Variants in THOC1 observed in about 807,000 individuals in gnomAD.
The protein encoded by THOC1 is THO complex subunit 1.
Under a neutral mutation model 97.3 loss-of-function variants are expected in THOC1, and 29 were observed. That is an observed-to-expected ratio of 0.30 (90% CI 0.22 to 0.41). The LOEUF (loss-of-function observed/expected upper bound fraction) is 0.41. Ranked by LOEUF, THOC1 falls within the 10% of genes least tolerant of loss-of-function variation. The probability of loss-of-function intolerance (pLI) is 1.00; values close to 1 mark genes in which losing one functional copy is unlikely to be tolerated. For missense variants in THOC1, 529 were observed against 761.9 expected, an observed-to-expected ratio of 0.69 and a Z score of 3.60; for synonymous variants, 255 against 257.0, an observed-to-expected ratio of 0.99 and a Z score of 0.07.
intron 5 of THOC1, 169 bp downstream of exon 5, chr18:260,017 C>G (rs887950149): frequency 1.9e-6 from 1 of 531,308 alleles, no homozygotes; most frequent in East Asian, 3.4e-5. Flanking sequence ...TTTCTCCACA[C>G]ATGGTTTTTA....
chr18:226,064 A>G (rs1311913407), intron 12 of THOC1: 2 of 152,260 alleles, frequency 1.3e-5, no homozygotes, highest in East Asian at 1.9e-4. Flanking sequence ...TCTTCCTACT[A>G]TGCTATACCA....
intron 11 of THOC1, among the ~76,000 whole-genome samples, chr18:239,223 G>A (rs1341806306): frequency 1.3e-5 from 2 of 152,124 alleles, no homozygotes; most frequent in Non-Finnish European, 2.9e-5. Flanking sequence ...GGATTACAGA[G>A]TATTGAAAAA....
intron 7 of THOC1, among the ~76,000 whole-genome samples, chr18:255,796 G>C (rs909663157): frequency 2.0e-5 from 3 of 152,138 alleles, no homozygotes; most frequent in Non-Finnish European, 4.4e-5. Flanking sequence ...TGACTCTCTT[G>C]TTAGGAGCTA....
Position 224,962 on chromosome 18 carries a change from C to T in THOC1, c.1170G>A (p.Ser390=), listed in dbSNP as rs563539953. The T allele has an allele frequency of 5.1e-6, 8 of 1,575,170 alleles. No individual in the cohort carries two copies. The highest frequency in any genetic ancestry group is 6.9e-6 in the Non-Finnish European group (8 of 1,158,178). ...AACTTGGGCAACCTTCATTTTTCCA[C>T]GAGTTCCAGTTTTCTTCAGTGTTTA... The part of the protein sequence containing the change: ...HILNTEENWN[S]WKNEGCPSFV... Residue 390 remains serine, a synonymous_variant, in exon 15 of 21, where the codon TCG becomes TCA. Transcript: ENST00000261600.
chr18:263,270 G>A (rs775832219), intron 4 of THOC1, among the ~76,000 whole-genome samples: 12 of 151,714 alleles, frequency 7.9e-5, no homozygotes, highest in Middle Eastern at 3.4e-3. Flanking sequence ...TAGTAGAGAC[G>A]GGGTTTCATC....
chr18:222,430 C>G (rs759617207), intron 17 of THOC1, among the ~76,000 whole-genome samples: 1 of 152,140 alleles, frequency 6.6e-6, no homozygotes, highest in Non-Finnish European at 1.5e-5. Flanking sequence ...AACTGTTTAA[C>G]TTGTTACAGA....
At chr18:257,302 G>T (rs2143288098) in intron 7 of THOC1, among the ~76,000 whole-genome samples, 1 of 152,218 alleles carries the variant, frequency 6.6e-6, no homozygotes, top group Non-Finnish European at 1.5e-5. Flanking sequence ...TTATAATTCT[G>T]TTGGAAGCAC....
intron 4 of THOC1, chr18:261,309 A>C (rs975014647): frequency 6.6e-6 from 1 of 152,214 alleles, no homozygotes; most frequent in Non-Finnish European, 1.5e-5. Flanking sequence ...TCACTTAGGC[A>C]TGGTATATGG....
intron 9 of THOC1, among the ~76,000 whole-genome samples, chr18:249,530 T>C (rs1339153793): frequency 7.9e-5 from 12 of 151,962 alleles, no homozygotes; most frequent in Admixed American, 7.2e-4. Flanking sequence ...GGCATTGTGG[T>C]GCGTGCTTGT....
chr18:239,458 C>A (rs1444264642), intron 11 of THOC1, among the ~76,000 whole-genome samples: 1 of 152,148 alleles, frequency 6.6e-6, no homozygotes, highest in Non-Finnish European at 1.5e-5. Context: ...GCACCTGCCA[C>A]CACGCCCGGC....
intron 11 of THOC1, among the ~76,000 whole-genome samples, chr18:239,664 A>G (rs1463725426): frequency 6.6e-6 from 1 of 152,208 alleles, no homozygotes; most frequent in Admixed American, 6.5e-5. Flanking sequence ...TTTGTTCTTC[A>G]TAACACTCAG....
rs76384077 is a variant in THOC1, at chr18:241,874, C to T, written c.918+4450G>A. Among the ~76,000 whole-genome samples, 299 of 152,204 alleles carry T rather than the reference C, an allele frequency of 2.0e-3. 4 individuals carry two copies. The East Asian group carries it at 0.036, about 18-fold the overall frequency. ...CTCCCTTAACATTTCTGAGTATGAT[C>T]CTGGACTAACCTTAAAGAACAGATA... On this transcript the variant is annotated intron_variant, in intron 11 of 20. Transcript: ENST00000261600.
chr18:218,242 A>T (rs620970), intron 18 of THOC1, among the ~76,000 whole-genome samples: 94,981 of 151,946 alleles, frequency 0.63, 29,878 homozygotes, highest in South Asian at 0.76. Context: ...GCGGTTTAAT[A>T]ATTAAATTAG....
chr18:256,416 A>G (rs1186733921), intron 7 of THOC1, among the ~76,000 whole-genome samples: 1 of 152,268 alleles, frequency 6.6e-6, no homozygotes, highest in Non-Finnish European at 1.5e-5. Context: ...TCTACGTAGT[A>G]GAAATGGCAA....
intron 1 of THOC1, among the ~76,000 whole-genome samples, chr18:266,967 C>T (rs1912790916): frequency 1.3e-5 from 2 of 150,818 alleles, no homozygotes; most frequent in South Asian, 4.2e-4. Flanking sequence ...TTAAAAAAAA[C>T]CTCACACTGT....
intron 18 of THOC1, among the ~76,000 whole-genome samples, chr18:218,364 TGC>T (rs535116479): frequency 2.8e-3 from 426 of 152,280 alleles, no homozygotes; most frequent in African/African-American, 9.8e-3. Context: ...GCCATGAGAC[TGC>T]GGTGTCACCC....
chr18:215,631 C>A, intron 19 of THOC1, 127 bp from the exon 20 acceptor site: 1 of 674,142 alleles, frequency 1.5e-6, no homozygotes, highest in Admixed American at 2.6e-5. Context: ...CCCCTGAGAG[C>A]GTTAAATGAC....
intron 1 of THOC1, among the ~76,000 whole-genome samples, chr18:267,622 T>C (rs1020931592): frequency 1.8e-4 from 28 of 151,812 alleles, no homozygotes; most frequent in African/African-American, 6.8e-4. Context: ...CTTCAGCAGC[T>C]CCCCTTCCCC....
At chr18:224,221 G>T (rs775584162) in intron 15 of THOC1, 42 bp from the exon 16 acceptor site, 122 of 1,335,120 alleles carry the variant, frequency 9.1e-5, no homozygotes, top group Non-Finnish European at 1.2e-4. Context: ...AATTACAAAT[G>T]GATAACAGAA....
Sources: gnomAD v4.1 joint callset for allele counts (sites outside exome capture counted in the v4.1 genomes callset) on GRCh38, gnomAD v4.1.1 for gene constraint, MANE v1.5 for transcripts, NCBI Gene and HGNC (gene_info 2026-07-23, HGNC 2026-07-21) for gene names.